The following TNRC6A variants were observed in gnomAD, a reference collection of about 807,000 sequenced individuals.
TNRC6A encodes the protein trinucleotide repeat containing adaptor 6A.
In TNRC6A, 44 loss-of-function variants were observed where a neutral mutation model predicts 221.2. That is an observed-to-expected ratio of 0.20 (90% CI 0.16 to 0.26). The LOEUF (loss-of-function observed/expected upper bound fraction) is 0.26, where lower values mean the gene tolerates loss of function less well. Among genes scored for constraint, TNRC6A ranks in the 10% least tolerant of loss-of-function variants. The pLI is 1.00. For synonymous variants in TNRC6A, 847 were observed against 838.5 expected, an observed-to-expected ratio of 1.01 and a Z score of -0.18; for missense variants, 2,199 against 2,404.4, an observed-to-expected ratio of 0.91 and a Z score of 1.79.
chr16:24,798,966 G>T (rs1262032525), intron 11 of TNRC6A, among the ~76,000 whole-genome samples: 2 of 152,202 alleles, frequency 1.3e-5, no homozygotes. Context: ...ATGCCAGTAG[G>T]AGTGCAGGAA....
chr16:24,794,419 G>A, intron 7 of TNRC6A, 125 bp from the exon 8 acceptor site: 1 of 881,324 alleles, frequency 1.1e-6, no homozygotes, highest in East Asian at 2.8e-5. Context: ...GATGCAGGAA[G>A]GGAAATAAGT....
At position 24,790,055 on chromosome 16, in the gene TNRC6A, GAAT is replaced by G. The variant is rs1159068171; in HGVS notation, c.1417_1419del (p.Asn473del). The G allele has an allele frequency of 9.9e-6, 16 of 1,614,114 alleles. No individual in the cohort carries two copies. Among genetic ancestry groups the G allele is most frequent in the Non-Finnish European group, 1.4e-5 (16 of 1,180,052 alleles). On this transcript the variant is annotated inframe_deletion, in exon 6 of 25. Transcript: ENST00000395799. ...GTTTACCAAACTCCGGTTCAGTGCA[GAAT>G]AATGAGCTGCCTAGTAGTAACACAG...
chr16:24,732,053 C>T (rs1357125843), intron 2 of TNRC6A, among the ~76,000 whole-genome samples: 1 of 152,144 alleles, frequency 6.6e-6, no homozygotes, highest in Non-Finnish European at 1.5e-5. Context: ...CAAAAGATAC[C>T]ATCCCATTCA....
chr16:24,694,514 G>A (rs1352161901), intron 2 of TNRC6A, among the ~76,000 whole-genome samples: 1 of 151,948 alleles, frequency 6.6e-6, no homozygotes, highest in Non-Finnish European at 1.5e-5. Context: ...AATTAGCTGG[G>A]TGTGGCAGCT....
intron 2 of TNRC6A, among the ~76,000 whole-genome samples, chr16:24,645,059 C>G (rs1178774314): frequency 1.3e-5 from 2 of 152,184 alleles, no homozygotes; most frequent in East Asian, 3.8e-4. Context: ...AAAAGTAGAA[C>G]AGCATATGCA....
intron 2 of TNRC6A, among the ~76,000 whole-genome samples, chr16:24,657,164 A>G (rs1567330198): frequency 6.6e-6 from 1 of 151,716 alleles, no homozygotes; most frequent in Non-Finnish European, 1.5e-5. Flanking sequence ...AAATACAAAA[A>G]TTAGCCAGGC....
Position 24,793,498 on chromosome 16 carries a change from T to G in TNRC6A, c.3201T>G (p.Pro1067=). The change falls in exon 7 of 25, where the codon CCT becomes CCG. Residue 1067 remains proline (P), a synonymous_variant. Coordinates refer to ENST00000395799, the MANE Select transcript of TNRC6A (RefSeq NM_014494.4). The part of the protein sequence containing the change: ...GSGWGEPWGE[P]STPATTVDNG... ...GCTGGGGTGAGCCCTGGGGGGAGCC[T>G]TCTACTCCAGCCACAACTGTGGATA... 6.6e-7 allele frequency: 1 copy of G among 1,517,994 alleles called. No homozygotes were observed. 94.0% of individuals were successfully genotyped at this position (1,517,994 alleles called of 1,614,324 possible).
intron 5 of TNRC6A, chr16:24,778,244 T>C (rs776714580): frequency 3.4e-5 from 33 of 979,848 alleles, no homozygotes; most frequent in Non-Finnish European, 3.9e-5. Context: ...GAGCAGTCTT[T>C]CCTAACTGTG....
chr16:24,761,262 T>C (rs548440099), intron 4 of TNRC6A, among the ~76,000 whole-genome samples: 127 of 152,358 alleles, frequency 8.3e-4, no homozygotes, highest in African/African-American at 2.9e-3. Context: ...CTTGAAAGTT[T>C]TATTCTTGTG....
At chr16:24,618,856 C>T (rs557117406) in intron 1 of TNRC6A, among the ~76,000 whole-genome samples, 115 of 151,914 alleles carry the variant, frequency 7.6e-4, no homozygotes, top group African/African-American at 2.5e-3. Context: ...TCTCAAACTC[C>T]GGGCCTCAAG....
upstream of TNRC6A, among the ~76,000 whole-genome samples, chr16:24,724,822 T>A (rs1413625521): frequency 1.3e-5 from 2 of 152,056 alleles, no homozygotes; most frequent in Non-Finnish European, 1.5e-5. Flanking sequence ...TGTGAAAAAA[T>A]TTTAAAATTT....
chr16:24,819,726 TTGGGGC>T, intron 21 of TNRC6A: 3 of 212,722 alleles, frequency 1.4e-5, no homozygotes, highest in South Asian at 7.4e-5. Flanking sequence ...AGCTCCTGAG[TTGGGGC>T]TCTTTTGCAG....
At chr16:24,730,630 T>G (rs182903986) in intron 2 of TNRC6A, among the ~76,000 whole-genome samples, 1 of 152,096 alleles carries the variant, frequency 6.6e-6, no homozygotes, top group South Asian at 2.1e-4. Context: ...TGACTCATGA[T>G]TGAGGCGGCC....
intron 2 of TNRC6A, among the ~76,000 whole-genome samples, chr16:24,672,184 T>C (rs1051929952): frequency 6.6e-5 from 10 of 152,170 alleles, no homozygotes; most frequent in African/African-American, 2.4e-4. Context: ...TGCAGTGGCG[T>C]GATCTCGGCT....
chr16:24,688,224 C>A (rs888198217), intron 2 of TNRC6A, among the ~76,000 whole-genome samples: 3 of 151,854 alleles, frequency 2.0e-5, no homozygotes, highest in Non-Finnish European at 2.9e-5. Flanking sequence ...CAGGTGTGAG[C>A]CACCATGCCC....
chr16:24,758,766 C>T (rs1275467846), intron 4 of TNRC6A, among the ~76,000 whole-genome samples: 1 of 151,978 alleles, frequency 6.6e-6, no homozygotes, highest in Non-Finnish European at 1.5e-5. Context: ...AAGAATGTCC[C>T]CCATTCCTTC....
chr16:24,656,396 G>A (rs2054913215), intron 2 of TNRC6A, among the ~76,000 whole-genome samples: 1 of 151,062 alleles, frequency 6.6e-6, no homozygotes, highest in Non-Finnish European at 1.5e-5. Context: ...GAACCCGGGA[G>A]GCGGAGGTTG....
At chr16:24,816,521 T>C in intron 19 of TNRC6A, 1 of 257,764 alleles carries the variant, frequency 3.9e-6, no homozygotes, top group Non-Finnish European at 7.4e-6. Context: ...TACATACATA[T>C]ATATGATTTT....
chr16:24,667,114 T>A (rs1295259720), intron 2 of TNRC6A, among the ~76,000 whole-genome samples: 1 of 152,058 alleles, frequency 6.6e-6, no homozygotes, highest in African/African-American at 2.4e-5. Flanking sequence ...AGACTCCATC[T>A]CAAATAAATA....
Sources: gnomAD v4.1 joint callset for allele counts (sites outside exome capture counted in the v4.1 genomes callset) on GRCh38, gnomAD v4.1.1 for gene constraint, MANE v1.5 for transcripts, NCBI Gene and HGNC (gene_info 2026-07-23, HGNC 2026-07-21) for gene names.